The following WWOX variants were observed in gnomAD, a reference collection of about 807,000 sequenced individuals.
WWOX encodes WW domain containing oxidoreductase.
In WWOX, 69 loss-of-function variants were observed where a neutral mutation model predicts 46.2. That is an observed-to-expected ratio of 1.49 (90% CI 1.23 to 1.82). WWOX has a LOEUF of 1.82. Ranked by LOEUF, WWOX falls within the 40% of genes most tolerant of loss-of-function variation. WWOX has a pLI of 0.00. For missense variants in WWOX, 919 were observed against 542.6 expected (o/e 1.69, Z -6.89); for synonymous variants, 359 against 202.6 (o/e 1.77, Z -6.56).
intron 4 of WWOX, among the ~76,000 whole-genome samples, chr16:78,144,450 C>CACATATATATAT (rs1171090089): frequency 4.4e-4 from 11 of 24,926 alleles, no homozygotes; most frequent in Admixed American, 9.0e-4. Context: ...TATATATACA[C>CACATATATATAT]ATATATATAT....
intron 8 of WWOX, among the ~76,000 whole-genome samples, chr16:78,799,685 T>C (rs1010210156): frequency 5.3e-5 from 8 of 152,176 alleles, no homozygotes; most frequent in South Asian, 2.1e-4. Context: ...TTCTGCTCTT[T>C]TATGCTGCCT....
At chr16:78,232,943 G>A (rs566592350) in intron 5 of WWOX, among the ~76,000 whole-genome samples, 9 of 152,210 alleles carry the variant, frequency 5.9e-5, no homozygotes, top group East Asian at 1.9e-4. Flanking sequence ...CTGGGTTCAA[G>A]CAATTCTCCT....
chr16:79,017,960 A>C (rs570092258), intron 8 of WWOX, among the ~76,000 whole-genome samples: 1 of 152,360 alleles, frequency 6.6e-6, no homozygotes, highest in Middle Eastern at 3.4e-3. Flanking sequence ...AAATAGAATA[A>C]AATACACATT....
At chr16:78,689,982 T>A (rs1006502336) in intron 8 of WWOX, among the ~76,000 whole-genome samples, 5 of 152,044 alleles carry the variant, frequency 3.3e-5, no homozygotes, top group African/African-American at 1.2e-4. Flanking sequence ...TACCTCAGCC[T>A]CCTGAGTAGC....
At chr16:78,551,454 G>A (rs1178048125) in intron 8 of WWOX, 1 of 152,190 alleles carries the variant, frequency 6.6e-6, no homozygotes, top group Non-Finnish European at 1.5e-5. Context: ...GGGAAATTGG[G>A]ACTCCCATCC....
intron 8 of WWOX, among the ~76,000 whole-genome samples, chr16:78,681,463 A>G (rs2142234334): frequency 6.6e-6 from 1 of 152,134 alleles, no homozygotes; most frequent in East Asian, 1.9e-4. Context: ...AATAAAGGAA[A>G]CATCCTAGAC....
intron 8 of WWOX, among the ~76,000 whole-genome samples, chr16:78,726,636 TGGAG>T (rs2048843506): frequency 6.6e-6 from 1 of 152,060 alleles, no homozygotes; most frequent in Admixed American, 6.6e-5. Context: ...GAGCAATTAA[TGGAG>T]GAAGGGAGTC....
intron 8 of WWOX, among the ~76,000 whole-genome samples, chr16:79,034,959 C>T (rs2047837175): frequency 6.6e-6 from 1 of 152,090 alleles, no homozygotes; most frequent in Admixed American, 6.6e-5. Flanking sequence ...ACAGTAAAGG[C>T]AAGTATAAAT....
rs544812776 is a variant in WWOX at position 78,838,032 on chromosome 16, G to T, written c.1057-373576G>T. 7.2e-5 allele frequency among the ~76,000 whole-genome samples: 11 copies of T among 152,312 alleles called. No individual in the cohort carries two copies. In the South Asian group the frequency reaches 2.1e-3, roughly 29 times the overall value. ...CCAAGGCTATTCTCATTTTGAGAAA[G>T]ACTGGCACAGTTAGAGGCCAGGAAC... On this transcript the variant is annotated intron_variant, in intron 8 of 8. Coordinates refer to ENST00000566780, the MANE Select transcript of WWOX (RefSeq NM_016373.4).
chr16:78,506,485 C>T (rs8054925), intron 8 of WWOX: 100,631 of 151,970 alleles, frequency 0.66, 36,065 homozygotes, highest in Admixed American at 0.8. Flanking sequence ...TGCCTCCGCC[C>T]ACTCACATGT....
chr16:78,588,471 G>A (rs1359821740), intron 8 of WWOX, among the ~76,000 whole-genome samples: 1 of 152,092 alleles, frequency 6.6e-6, no homozygotes, highest in Non-Finnish European at 1.5e-5. Context: ...GCCCTGTTTG[G>A]GCTCTGAAAG....
At chr16:79,062,144 G>T (rs1255339752) in intron 8 of WWOX, among the ~76,000 whole-genome samples, 3 of 152,194 alleles carry the variant, frequency 2.0e-5, no homozygotes, top group Non-Finnish European at 4.4e-5. Flanking sequence ...CAGACTGAAG[G>T]TTAGGGAGAC....
chr16:79,207,971 G>A (rs769917158), intron 8 of WWOX, among the ~76,000 whole-genome samples: 3 of 152,120 alleles, frequency 2.0e-5, no homozygotes, highest in African/African-American at 4.8e-5. Context: ...TGGAAGGATG[G>A]ATAATTTAGA....
chr16:79,039,440 C>T (rs2047929679), intron 8 of WWOX, among the ~76,000 whole-genome samples: 2 of 152,124 alleles, frequency 1.3e-5, no homozygotes, highest in African/African-American at 4.8e-5. Flanking sequence ...GGAGGAGCAG[C>T]TTCCTCCTGG....
chr16:79,060,693 C>T (rs979002558), intron 8 of WWOX, among the ~76,000 whole-genome samples: 2 of 152,182 alleles, frequency 1.3e-5, no homozygotes, highest in African/African-American at 4.8e-5. Context: ...CAATTTTTAT[C>T]TTTGTTTAAT....
intron 8 of WWOX, among the ~76,000 whole-genome samples, chr16:78,851,979 C>G (rs1326684062): frequency 6.6e-6 from 1 of 152,182 alleles, no homozygotes; most frequent in Non-Finnish European, 1.5e-5. Context: ...CATTCCTCAG[C>G]TGTTTGAAAC....
intron 8 of WWOX, among the ~76,000 whole-genome samples, chr16:78,497,067 C>G (rs1348085189): frequency 6.6e-6 from 1 of 152,214 alleles, no homozygotes; most frequent in Non-Finnish European, 1.5e-5. Flanking sequence ...ATGTTGGATG[C>G]TAAGGCCCAA....
At chr16:78,774,875 T>C (rs937162023) in intron 8 of WWOX, among the ~76,000 whole-genome samples, 1 of 152,200 alleles carries the variant, frequency 6.6e-6, no homozygotes, top group Non-Finnish European at 1.5e-5. Context: ...AGCAGATGTT[T>C]ACCGCAGAGC....
In WWOX at chr16:79,042,367, T is replaced by G. The variant is rs9940774; in HGVS notation, c.1057-169241T>G. Among the ~76,000 whole-genome samples, 582 of 152,320 alleles carry G rather than the reference T, an allele frequency of 3.8e-3. 3 individuals are homozygous for G. Among genetic ancestry groups the G allele is most frequent in the African/African-American group, 0.013 (550 of 41,574 alleles). ...ATTGACTTTGTTGCCTAGCAGGGCCTGGAGCTGGGTTTCTTGCCTGATCAA... is the reference window on the plus strand; with the variant it reads ...ATTGACTTTGTTGCCTAGCAGGGCCGGGAGCTGGGTTTCTTGCCTGATCAA... On this transcript the variant is annotated intron_variant, in intron 8 of 8. Coordinates refer to ENST00000566780, the MANE Select transcript of WWOX (RefSeq NM_016373.4).
Sources: gnomAD v4.1 joint callset for allele counts (sites outside exome capture counted in the v4.1 genomes callset) on GRCh38, gnomAD v4.1.1 for gene constraint, MANE v1.5 for transcripts, NCBI Gene and HGNC (gene_info 2026-07-23, HGNC 2026-07-21) for gene names.